Variants in CEP135 observed in about 807,000 individuals in gnomAD.
The protein encoded by CEP135 is centrosomal protein of 135 kDa.
A neutral mutation model predicts 157.3 loss-of-function variants in CEP135; 142 were observed. That is an observed-to-expected ratio of 0.90 (90% CI 0.79 to 1.04). The LOEUF is 1.04. Ranked by LOEUF, CEP135 falls within the 50% of genes least tolerant of loss-of-function variation. CEP135 has a pLI of 0.00. For missense variants in CEP135, 1,317 were observed against 1,309.2 expected (o/e 1.01, Z -0.09); for synonymous variants, 396 against 439.8 (o/e 0.90, Z 1.25).
intron 15 of CEP135, among the ~76,000 whole-genome samples, chr4:55,994,892 G>A (rs1046103969): frequency 6.6e-5 from 10 of 151,894 alleles, no homozygotes; most frequent in African/African-American, 2.4e-4. Context: ...CACCATGTTG[G>A]CCAGGCTGGT....
intron 2 of CEP135, 74 bp from the exon 3 acceptor site, chr4:55,953,011 C>CATA (rs1728405607): frequency 1.5e-6 from 2 of 1,295,974 alleles, no homozygotes; most frequent in Non-Finnish European, 1.0e-6. Flanking sequence ...TTTTAAGCCT[C>CATA]TTTAGAAATA....
chr4:55,997,352 A>G (rs1730009186), intron 15 of CEP135, among the ~76,000 whole-genome samples: 2 of 152,158 alleles, frequency 1.3e-5, no homozygotes, highest in Non-Finnish European at 1.5e-5. Flanking sequence ...ATATGTATAT[A>G]TATCAATCAA....
intron 19 of CEP135, among the ~76,000 whole-genome samples, chr4:56,010,269 A>G (rs1730531995): frequency 6.7e-6 from 1 of 148,512 alleles, no homozygotes; most frequent in Admixed American, 6.8e-5. Context: ...AGGCTGAGGC[A>G]GGAGAATCAC....
At position 56,020,765 on chromosome 4, in the gene CEP135, C is replaced by T; in HGVS notation, c.3305C>T (p.Thr1102Ile). The T allele has an allele frequency of 1.9e-6, 3 of 1,612,728 alleles. No homozygotes were observed. Among genetic ancestry groups the T allele is most frequent in the Non-Finnish European group, 2.5e-6 (3 of 1,179,352 alleles). The change falls in exon 24 of 26, where the codon ACT (threonine) becomes ATT (isoleucine). Residue 1102 changes from threonine (T) to isoleucine (I), a missense_variant. Coordinates refer to ENST00000257287, the MANE Select transcript of CEP135 (RefSeq NM_025009.5). The part of the protein sequence containing the change: ...DYDALKRQIS[T>I]ERYERERAIQ... ...GATGCTCTGAAAAGGCAGATCTCAA[C>T]TGAAAGATACGAACGGTAAGACAAA...
rs184377768 is a variant in CEP135, at chr4:56,026,163, C to T, written c.*11+1549C>T. 2.0e-3 allele frequency among the ~76,000 whole-genome samples: 310 copies of T among 152,186 alleles called. 7 individuals carry two copies. Among genetic ancestry groups the T allele is most frequent in the Admixed American group, 0.016 (249 of 15,264 alleles). Reference sequence around the variant, plus strand: ...GGCAGAAGTGGCAGTGAGCCCAGATCGCGCCACTGCACTCCAGCTTGGGTG... The same window carrying T: ...GGCAGAAGTGGCAGTGAGCCCAGATTGCGCCACTGCACTCCAGCTTGGGTG... On this transcript the variant is annotated intron_variant, in intron 25 of 25. Transcript: ENST00000257287.
rs59386353 is a variant in CEP135, at chr4:55,998,971, C to A, written c.2010-331C>A. On this transcript the variant is annotated intron_variant, in intron 15 of 25. Transcript: ENST00000257287. ...GAACAGGATTTTTCCTTTGCCTCCA[C>A]TATTGGAAAAAGATTTAAAGGAGAG... Among the ~76,000 whole-genome samples the A allele has an allele frequency of 0.06, 9,056 of 152,172 alleles. 362 individuals are homozygous for A. Among genetic ancestry groups the A allele is most frequent in the East Asian group, 0.13 (689 of 5,168 alleles).
At chr4:55,952,833 T>C (rs1158001310) in intron 2 of CEP135, among the ~76,000 whole-genome samples, 1 of 152,212 alleles carries the variant, frequency 6.6e-6, no homozygotes, top group Non-Finnish European at 1.5e-5. Flanking sequence ...TCTGAACATA[T>C]CTAAACATAG....
At chr4:55,957,494 C>A in intron 5 of CEP135, 130 bp downstream of exon 5, 1 of 708,326 alleles carries the variant, frequency 1.4e-6, no homozygotes, top group South Asian at 2.6e-5. Flanking sequence ...TTTGCACCGG[C>A]ACTCAGTAAA....
chr4:55,991,182 T>C (rs1729777948), intron 14 of CEP135, among the ~76,000 whole-genome samples: 1 of 152,158 alleles, frequency 6.6e-6, no homozygotes, highest in Non-Finnish European at 1.5e-5. Context: ...TTCACCGTGC[T>C]AGCCAGGATA....
intron 17 of CEP135, among the ~76,000 whole-genome samples, chr4:56,004,101 A>G (rs945492929): frequency 6.6e-6 from 1 of 152,098 alleles, no homozygotes; most frequent in African/African-American, 2.4e-5. Flanking sequence ...ATTTTGGTAC[A>G]TTATATTTCC....
chr4:56,029,652 A>C (rs1731275824), intron 25 of CEP135, among the ~76,000 whole-genome samples: 1 of 152,236 alleles, frequency 6.6e-6, no homozygotes, highest in Admixed American at 6.5e-5. Context: ...CTGCATACCC[A>C]GGCTATATGG....
chr4:55,997,827 C>T (rs1189337791), intron 15 of CEP135, among the ~76,000 whole-genome samples: 1 of 152,184 alleles, frequency 6.6e-6, no homozygotes, highest in African/African-American at 2.4e-5. Flanking sequence ...TCCCATGGAA[C>T]AGCAGTTCTA....
At chr4:55,969,803 G>A (rs980112431) in intron 9 of CEP135, among the ~76,000 whole-genome samples, 1 of 152,120 alleles carries the variant, frequency 6.6e-6, no homozygotes, top group Non-Finnish European at 1.5e-5. Context: ...TTAATTACTT[G>A]AAATATTTGT....
chr4:55,974,584 T>C lies in CEP135; in HGVS notation c.1250-162T>C, dbSNP rs6814122. On this transcript the variant is annotated intron_variant, in intron 10 of 25. Coordinates refer to ENST00000257287, the MANE Select transcript of CEP135 (RefSeq NM_025009.5). ...TTGCTTTTTTTTCCCTTCTTTCCTCTCAATATTTACCTCTTCAATAGATTT... is the reference window on the plus strand; with the variant it reads ...TTGCTTTTTTTTCCCTTCTTTCCTCCCAATATTTACCTCTTCAATAGATTT... Among the ~76,000 whole-genome samples, 4,436 of 152,254 alleles carry C rather than the reference T, an allele frequency of 0.029. 220 individuals are homozygous for C. The highest frequency in any genetic ancestry group is 0.1 in the African/African-American group (4,154 of 41,538).
rs754837996 is a variant in CEP135, at chr4:55,981,255, A to G, written c.1655A>G (p.Lys552Arg). 3.8e-6 allele frequency: 6 copies of G among 1,591,112 alleles called. No homozygotes were observed. The highest frequency in any genetic ancestry group is 2.7e-5 in the African/African-American group (2 of 73,158). Residue 552 changes from lysine (K) to arginine (R), a missense_variant, in exon 13 of 26, where the codon AAG becomes AGG. Coordinates refer to ENST00000257287, the MANE Select transcript of CEP135 (RefSeq NM_025009.5). ...CAGGAAGAATTATCTGCCCTAAGAA[A>G]GGAATCCACCCAAACCACAGCACCC... Reference protein sequence around the residue: ...EAQEELSALRKESTQTTAPHN... With the variant: ...EAQEELSALRRESTQTTAPHN...
intron 10 of CEP135, among the ~76,000 whole-genome samples, chr4:55,973,391 T>TCATTCTGAGTGGATGATCCTACCTC (rs1729092171): frequency 2.6e-5 from 4 of 152,332 alleles, no homozygotes; most frequent in East Asian, 1.9e-4. Flanking sequence ...TTTCCCACCT[T>TCATTCTGAGTGGATGATCCTACCTC]CATTCTGAGT....
intron 15 of CEP135, among the ~76,000 whole-genome samples, chr4:55,996,150 G>A (rs1390885251): frequency 6.6e-6 from 1 of 152,120 alleles, no homozygotes; most frequent in African/African-American, 2.4e-5. Context: ...TTTTGAGACA[G>A]GGTCTCACTC....
At chr4:56,028,134 C>T (rs1577919939) in intron 25 of CEP135, among the ~76,000 whole-genome samples, 1 of 152,136 alleles carries the variant, frequency 6.6e-6, no homozygotes, top group East Asian at 1.9e-4. Context: ...GTTGAAGACA[C>T]CTGGGTTGTT....
At chr4:55,949,899 C>T (rs939249137) in intron 1 of CEP135, among the ~76,000 whole-genome samples, 1 of 152,236 alleles carries the variant, frequency 6.6e-6, no homozygotes, top group African/African-American at 2.4e-5. Context: ...TATTCATTCT[C>T]ATTCTCTCCC....
Sources: gnomAD v4.1 joint callset for allele counts (sites outside exome capture counted in the v4.1 genomes callset) on GRCh38, gnomAD v4.1.1 for gene constraint, MANE v1.5 for transcripts, NCBI Gene and HGNC (gene_info 2026-07-23, HGNC 2026-07-21) for gene names.